The following ATP10D variants were observed in gnomAD, a reference collection of about 807,000 sequenced individuals.
ATP10D encodes the protein phospholipid-transporting ATPase VD.
In ATP10D, 89 loss-of-function variants were observed where a neutral mutation model predicts 144.8. That is an observed-to-expected ratio of 0.61 (90% CI 0.52 to 0.73). The LOEUF (loss-of-function observed/expected upper bound fraction) is 0.73, where lower values mean the gene tolerates loss of function less well. ATP10D is among the 30% of genes least tolerant of loss of function. ATP10D has a pLI of 0.00. For missense variants in ATP10D, 1,603 were observed against 1,714.8 expected, an observed-to-expected ratio of 0.93 and a Z score of 1.15; for synonymous variants, 571 against 615.1, an observed-to-expected ratio of 0.93 and a Z score of 1.06.
At chr4:47,587,302 CT>C in intron 22 of ATP10D, 96 bp downstream of exon 22, 3 of 1,118,602 alleles carry the variant, frequency 2.7e-6, no homozygotes, top group Non-Finnish European at 3.9e-6. Flanking sequence ...GCAGCCCACC[CT>C]GTTTAGTAGT....
intron 1 of ATP10D, among the ~76,000 whole-genome samples, chr4:47,509,151 GCTGT>G (rs916694715): frequency 1.4e-4 from 22 of 152,222 alleles, no homozygotes; most frequent in African/African-American, 5.3e-4. Context: ...TTGTCCAACT[GCTGT>G]CTTTCAGTAA....
chr4:47,535,704 G>A, intron 6 of ATP10D, 89 bp downstream of exon 6: 3 of 1,438,242 alleles, frequency 2.1e-6, no homozygotes, highest in Non-Finnish European at 2.8e-6. Context: ...ATCTGTTGAA[G>A]CAGAAAGGAA....
At chr4:47,489,279 A>AT (rs1397401002) in intron 1 of ATP10D, among the ~76,000 whole-genome samples, 3 of 152,106 alleles carry the variant, frequency 2.0e-5, no homozygotes, top group African/African-American at 7.2e-5. Context: ...AAAATGTATC[A>AT]TTTTGTTGGG....
At chr4:47,550,521 G>A (rs937654217) in intron 10 of ATP10D, among the ~76,000 whole-genome samples, 1 of 152,134 alleles carries the variant, frequency 6.6e-6, no homozygotes, top group Non-Finnish European at 1.5e-5. Flanking sequence ...GAGCTCCCAA[G>A]ATGGTGGCGT....
intron 5 of ATP10D, among the ~76,000 whole-genome samples, chr4:47,531,377 C>G (rs1577653239): frequency 1.3e-5 from 2 of 152,134 alleles, no homozygotes; most frequent in East Asian, 3.9e-4. Context: ...AAAAGAATGG[C>G]TGGCATTTCA....
rs780675538 is a variant in ATP10D at position 47,546,694 on chromosome 4, C to T, written c.1467C>T (p.Ser489=). The stretch of plus-strand genomic sequence containing the variant: ...ATTTTATAGACACAGTCAGTGGTTC[C>T]CTCAGCAATATGGCAAAACCGAGAG... The part of the protein sequence containing the change: ...DEDFIDTVSG[S]LSNMAKPRAP... Residue 489 remains serine (S), a synonymous_variant, in exon 10 of 23, where the codon TCC becomes TCT. Coordinates refer to ENST00000273859, the MANE Select transcript of ATP10D (RefSeq NM_020453.4). The T allele has an allele frequency of 3.3e-5, 54 of 1,613,934 alleles. No homozygotes were observed. Among genetic ancestry groups the T allele is most frequent in the Admixed American group, 1.0e-4 (6 of 60,004 alleles).
At chr4:47,534,616 A>G (rs969513558) in intron 5 of ATP10D, among the ~76,000 whole-genome samples, 4 of 152,128 alleles carry the variant, frequency 2.6e-5, no homozygotes, top group African/African-American at 7.2e-5. Context: ...AGCCTTTTTA[A>G]CCATTGATTT....
chr4:47,539,138 T>C (rs1159623095), intron 9 of ATP10D, among the ~76,000 whole-genome samples: 4 of 152,202 alleles, frequency 2.6e-5, no homozygotes, highest in Non-Finnish European at 5.9e-5. Flanking sequence ...AAAAGGTTTA[T>C]ATCTTTGTTA....
intron 19 of ATP10D, among the ~76,000 whole-genome samples, chr4:47,579,386 A>G (rs1238719931): frequency 2.0e-5 from 3 of 152,200 alleles, no homozygotes; most frequent in Non-Finnish European, 4.4e-5. Flanking sequence ...CATTCCACTG[A>G]GAGAACTAGA....
chr4:47,570,465 G>A (rs1457204109), intron 16 of ATP10D, among the ~76,000 whole-genome samples: 1 of 152,134 alleles, frequency 6.6e-6, no homozygotes, highest in Non-Finnish European at 1.5e-5. Context: ...CTGGAATTTA[G>A]GAATAAGAAA....
At chr4:47,543,188 A>G (rs898378840) in intron 9 of ATP10D, among the ~76,000 whole-genome samples, 5 of 152,166 alleles carry the variant, frequency 3.3e-5, no homozygotes, top group African/African-American at 1.2e-4. Context: ...TACTATGCCT[A>G]ATTTATAAGT....
chr4:47,572,473 G>T (rs573794091), intron 17 of ATP10D, among the ~76,000 whole-genome samples: 36 of 152,144 alleles, frequency 2.4e-4, no homozygotes, highest in Non-Finnish European at 4.9e-4. Flanking sequence ...AAAATCACAG[G>T]AATATATATT....
At chr4:47,573,377 AT>A (rs1384859868) in intron 18 of ATP10D, among the ~76,000 whole-genome samples, 5 of 152,272 alleles carry the variant, frequency 3.3e-5, no homozygotes, top group African/African-American at 4.8e-5. Flanking sequence ...ATACCAAAAA[AT>A]ATCAGCTCTT....
At chr4:47,570,533 G>C (rs1245843870) in intron 16 of ATP10D, among the ~76,000 whole-genome samples, 2 of 152,198 alleles carry the variant, frequency 1.3e-5, no homozygotes, top group African/African-American at 2.4e-5. Context: ...GCCAGGTACA[G>C]TGGCTCACGC....
In ATP10D at chr4:47,556,228, C is replaced by T. The variant is rs553598597; in HGVS notation, c.1824+1314C>T. 2.0e-4 allele frequency among the ~76,000 whole-genome samples: 31 copies of T among 152,282 alleles called. No homozygotes were observed. In the South Asian group the frequency reaches 5.6e-3, roughly 27 times the overall value. ...TTAAAATTCAATTTGCAGCACAACC[C>T]AATTCAATTTAATTTTCCATCAGAT... is the stretch of plus-strand genomic sequence containing the variant. On this transcript the variant is annotated intron_variant, in intron 11 of 22. Transcript: ENST00000273859.
At chr4:47,554,191 G>A (rs1179105756) in intron 10 of ATP10D, among the ~76,000 whole-genome samples, 1 of 152,164 alleles carries the variant, frequency 6.6e-6, no homozygotes, top group Non-Finnish European at 1.5e-5. Context: ...CCTTATTAAT[G>A]TCTTGTATTA....
intron 16 of ATP10D, among the ~76,000 whole-genome samples, chr4:47,570,483 G>C (rs562645689): frequency 3.1e-4 from 47 of 152,322 alleles, no homozygotes; most frequent in African/African-American, 1.1e-3. Flanking sequence ...AAATTGGCTA[G>C]AGATATAAAT....
At position 47,539,812 on chromosome 4, in the gene ATP10D, T is replaced by G. The variant is rs1238618357; in HGVS notation, c.1396+2874T>G. 2.0e-5 allele frequency among the ~76,000 whole-genome samples: 3 copies of G among 152,194 alleles called. No individual in the cohort carries two copies. The East Asian group carries it at 5.8e-4, about 29-fold the overall frequency. On this transcript the variant is annotated intron_variant, in intron 9 of 22. Transcript: ENST00000273859. ...ATTTTTTTGTATTTATAACACAAAA[T>G]TTTGTGTTCATAACATTTCAAAGAG...
chr4:47,532,776 G>A (rs889934627), intron 5 of ATP10D, among the ~76,000 whole-genome samples: 19 of 152,210 alleles, frequency 1.2e-4, no homozygotes, highest in Non-Finnish European at 5.9e-5. Flanking sequence ...TATCAGATTC[G>A]TATCATACTA....
Sources: allele counts gnomAD v4.1 joint callset (sites outside exome capture counted in the v4.1 genomes callset), GRCh38; gene constraint gnomAD v4.1.1; transcripts MANE v1.5; gene names NCBI Gene and HGNC (gene_info 2026-07-23, HGNC 2026-07-21).